Variants in RNASET2 observed in about 807,000 individuals in gnomAD.
RNASET2 encodes ribonuclease 6.
RNASET2 carries 28 observed loss-of-function variants against 33.9 expected under a neutral mutation model. The observed-to-expected ratio is 0.83, with a 90% CI of 0.61 to 1.13. The LOEUF (loss-of-function observed/expected upper bound fraction) is 1.13, where lower values mean the gene tolerates loss of function less well. RNASET2 is among the 50% of genes most tolerant of loss of function. The pLI is 0.00. For synonymous variants in RNASET2, 123 were observed against 121.0 expected, an observed-to-expected ratio of 1.02 and a Z score of -0.11; for missense variants, 330 against 319.9, an observed-to-expected ratio of 1.03 and a Z score of -0.24.
In RNASET2 at chr6:166,923,672, ATC is replaced by A. The variant is rs1778266215; in HGVS notation, c.*5914_*5915del. On this transcript the variant is annotated 3_prime_UTR_variant, in exon 9 of 9. Transcript: ENST00000508775. Reference sequence around the variant, plus strand: ...ATGACATAAAACTGCATTTCTCATCATCTGTCAGAGATTTTGCTTCAGATAAG... The same window carrying A: ...ATGACATAAAACTGCATTTCTCATCATGTCAGAGATTTTGCTTCAGATAAG... 6.6e-6 allele frequency among the ~76,000 whole-genome samples: 1 copy of A among 152,126 alleles called. No homozygotes were observed. Among genetic ancestry groups the A allele is most frequent in the Non-Finnish European group, 1.5e-5 (1 of 68,012 alleles).
Position 166,923,604 on chromosome 6 carries a change from C to G in RNASET2, c.*5984G>C, listed in dbSNP as rs1020052623. On this transcript the variant is annotated 3_prime_UTR_variant, in exon 9 of 9. Coordinates refer to ENST00000508775, the MANE Select transcript of RNASET2 (RefSeq NM_003730.6). ...TCTAAAATAAATGGAAGGCCCATTACAGTCACTCAGAAAAAAAAAATAGAA... is the reference window on the plus strand; with the variant it reads ...TCTAAAATAAATGGAAGGCCCATTAGAGTCACTCAGAAAAAAAAAATAGAA... 9.2e-5 allele frequency among the ~76,000 whole-genome samples: 14 copies of G among 151,600 alleles called. No individual in the cohort carries two copies. Among genetic ancestry groups the G allele is most frequent in the Non-Finnish European group, 1.6e-4 (11 of 67,924 alleles).
At chr6:166,940,507 A>G (rs1778669479) in intron 5 of RNASET2, among the ~76,000 whole-genome samples, 1 of 152,196 alleles carries the variant, frequency 6.6e-6, no homozygotes, top group African/African-American at 2.4e-5. Flanking sequence ...TTTTAAACTA[A>G]TTGAAATGTA....
In RNASET2 at chr6:166,924,914, G is replaced by T. The variant is rs2128642709; in HGVS notation, c.*4674C>A. ...AGAAGAGAGGCGGCTCATAGGAAGGGTTGAAAAAAGTGTGGAATGAATCAA... is the reference window on the plus strand; with the variant it reads ...AGAAGAGAGGCGGCTCATAGGAAGGTTTGAAAAAAGTGTGGAATGAATCAA... On this transcript the variant is annotated 3_prime_UTR_variant, in exon 9 of 9. Coordinates refer to ENST00000508775, the MANE Select transcript of RNASET2 (RefSeq NM_003730.6). 6.6e-6 allele frequency among the ~76,000 whole-genome samples: 1 copy of T among 152,258 alleles called. No individual in the cohort carries two copies. The highest frequency in any genetic ancestry group is 1.9e-4 in the East Asian group (1 of 5,180).
At chr6:166,956,035 C>T (rs1310239776) in intron 1 of RNASET2, 62 bp downstream of exon 1, 1 of 1,471,118 alleles carries the variant, frequency 6.8e-7, no homozygotes, top group African/African-American at 1.4e-5. Context: ...CAGCCTTCAC[C>T]CAGTGGAAAG....
intron 5 of RNASET2, 38 bp from the exon 6 acceptor site, chr6:166,939,046 G>T: frequency 6.8e-7 from 1 of 1,475,652 alleles, no homozygotes; most frequent in Non-Finnish European, 9.4e-7. Context: ...TAAAAGTAGT[G>T]AAACAGGCTG....
intron 2 of RNASET2, among the ~76,000 whole-genome samples, chr6:166,952,080 A>G (rs1022433977): frequency 6.6e-6 from 1 of 152,218 alleles, no homozygotes; most frequent in Admixed American, 6.5e-5. Flanking sequence ...AGTGGAGAAC[A>G]CACCGTGAAG....
chr6:166,945,687 G>A (rs981388102), intron 4 of RNASET2, among the ~76,000 whole-genome samples: 6 of 152,050 alleles, frequency 3.9e-5, no homozygotes, highest in East Asian at 3.9e-4. Context: ...AAAATAAGCC[G>A]GGCATGGTGG....
intron 1 of RNASET2, chr6:166,955,579 C>T: frequency 1.0e-6 from 1 of 991,466 alleles, no homozygotes; most frequent in Non-Finnish European, 1.2e-6. Context: ...AGGAACAGTG[C>T]TCCACCAAGC....
At chr6:166,937,517 A>C (rs796630779) in intron 6 of RNASET2, among the ~76,000 whole-genome samples, 15 of 152,342 alleles carry the variant, frequency 9.8e-5, no homozygotes, top group African/African-American at 3.6e-4. Flanking sequence ...TACTGCAAGA[A>C]AGCAATGCTT....
At position 166,929,371 on chromosome 6, in the gene RNASET2, T is replaced by C. The variant is rs1038796352; in HGVS notation, c.*217A>G. 1.3e-5 allele frequency: 8 copies of C among 622,420 alleles called. No individual in the cohort carries two copies. Among genetic ancestry groups the C allele is most frequent in the Non-Finnish European group, 2.3e-5 (8 of 351,562 alleles). The allele number at this position is 622,420 out of a possible 1,614,324, so 38.6% of individuals were successfully genotyped here. On this transcript the variant is annotated 3_prime_UTR_variant, in exon 9 of 9. Coordinates refer to ENST00000508775, the MANE Select transcript of RNASET2 (RefSeq NM_003730.6). ...AAAAAAAAAAACAATCTGTGAGCTT[T>C]ATCCCAAGCACAAAACAGCCACTCA...
intron 1 of RNASET2, among the ~76,000 whole-genome samples, chr6:166,953,876 T>A (rs1245820530): frequency 1.4e-5 from 2 of 138,502 alleles, no homozygotes; most frequent in African/African-American, 6.1e-5. Context: ...CCAGACCCTG[T>A]CTCAAAAAAA....
intron 4 of RNASET2, 36 bp downstream of exon 4, chr6:166,946,646 A>G (rs755529743): frequency 1.1e-5 from 13 of 1,151,550 alleles, no homozygotes; most frequent in Non-Finnish European, 1.7e-5. Flanking sequence ...ATCTAGGTCA[A>G]CACTCTGCAG....
rs1476861062 is a variant in RNASET2 at position 166,938,931 on chromosome 6, C to T, written c.410G>A (p.Arg137Lys). The change falls in exon 6 of 9, where the codon AGA becomes AAA. Residue 137 changes from arginine (R) to lysine (K), a missense_variant. Arg to Lys is a conservative substitution (Grantham distance 26). Coordinates refer to ENST00000508775, the MANE Select transcript of RNASET2 (RefSeq NM_003730.6). ...ALNSQKKYFGRSLELYRELDL... is the reference protein window; with the variant it reads ...ALNSQKKYFGKSLELYRELDL... ...CAGCTCCCTGTAGAGTTCCAGGCTTCTGCCAAAGTACTTCTTCTGGGAGTT... is the reference window on the plus strand; with the variant it reads ...CAGCTCCCTGTAGAGTTCCAGGCTTTTGCCAAAGTACTTCTTCTGGGAGTT... 4 of 1,613,964 alleles carry T rather than the reference C, an allele frequency of 2.5e-6. No homozygotes were observed. The highest frequency in any genetic ancestry group is 3.4e-6 in the Non-Finnish European group (4 of 1,179,980).
chr6:166,926,254 T>C lies in RNASET2; in HGVS notation c.*3334A>G, dbSNP rs975288682. 6.6e-6 allele frequency among the ~76,000 whole-genome samples: 1 copy of C among 151,174 alleles called. No individual in the cohort carries two copies. Among genetic ancestry groups the C allele is most frequent in the Admixed American group, 6.6e-5 (1 of 15,146 alleles). ...AGTTTCGGTGGAAAGATAAGATACC[T>C]GGGCCAGGCGCGGTGGCTCACACCT... On this transcript the variant is annotated 3_prime_UTR_variant, in exon 9 of 9. Coordinates refer to ENST00000508775, the MANE Select transcript of RNASET2 (RefSeq NM_003730.6).
At chr6:166,929,859 T>C in intron 8 of RNASET2, 68 bp from the exon 9 acceptor site, 1 of 1,479,744 alleles carries the variant, frequency 6.8e-7, no homozygotes, top group Non-Finnish European at 9.4e-7. Flanking sequence ...CTTAAGATCA[T>C]GAACTTTTAG....
Position 166,929,688 on chromosome 6 carries a change from T to C in RNASET2, c.671A>G (p.Gln224Arg). ...TEPGEQPSPK[Q>R]EVWLANGAAE... ...GGCCCCATTTGCCAGCCAGACTTCC[T>C]GCTTGGGGGACGGCTGCTCCCCCGG... is the stretch of plus-strand genomic sequence containing the variant. The change falls in exon 9 of 9, where the codon CAG becomes CGG. Residue 224 changes from glutamine to arginine, a missense_variant. Coordinates refer to ENST00000508775, the MANE Select transcript of RNASET2 (RefSeq NM_003730.6). The C allele has an allele frequency of 6.2e-7, 1 of 1,614,168 alleles. No homozygotes were observed. Among genetic ancestry groups the C allele is most frequent in the Non-Finnish European group, 8.5e-7 (1 of 1,180,022 alleles).
At chr6:166,930,748 A>C (rs374046120) in intron 8 of RNASET2, among the ~76,000 whole-genome samples, 2 of 149,396 alleles carry the variant, frequency 1.3e-5, no homozygotes, top group Non-Finnish European at 3.0e-5. Context: ...TAATGTACAC[A>C]CATGCACACA....
rs1289032799 is a variant in RNASET2 at position 166,929,624 on chromosome 6, T to C, written c.735A>G (p.Pro245=). The change falls in exon 9 of 9, where the codon CCA becomes CCG. Residue 245 remains proline (P), a synonymous_variant. Transcript: ENST00000508775. ...TCTTTTTAGGTGGGGGATAGAAGAC[T>C]GGGCCATCTTCACAGACTCTCAGAC... ...SRGLRVCEDG[P]VFYPPPKKTK... is the part of the protein sequence containing the mutation. 6.2e-7 allele frequency: 1 copy of C among 1,614,190 alleles called. No individual in the cohort carries two copies. Among genetic ancestry groups the C allele is most frequent in the African/African-American group, 1.3e-5 (1 of 75,052 alleles).
rs537386822 is a variant in RNASET2, at chr6:166,922,153, T to C, written c.*7435A>G. Among the ~76,000 whole-genome samples the C allele has an allele frequency of 2.0e-5, 3 of 152,358 alleles. No individual in the cohort carries two copies. Among genetic ancestry groups the C allele is most frequent in the Admixed American group, 1.3e-4 (2 of 15,310 alleles). On this transcript the variant is annotated 3_prime_UTR_variant, in exon 9 of 9. Transcript: ENST00000508775. ...AGCTTCCACTTTTTATTGATAACTA[T>C]AGGATCCTAACTGCTAAGCATATAT...
Sources: gnomAD v4.1 joint callset for allele counts (sites outside exome capture counted in the v4.1 genomes callset) on GRCh38, gnomAD v4.1.1 for gene constraint, MANE v1.5 for transcripts, NCBI Gene and HGNC (gene_info 2026-07-23, HGNC 2026-07-21) for gene names.